The following ZNF469 variants were observed in gnomAD, a reference collection of about 807,000 sequenced individuals.
ZNF469 encodes the protein zinc finger protein 469.
ZNF469 carries 1 observed loss-of-function variant against 1.0 expected under a neutral mutation model. That is an observed-to-expected ratio of 1.00 (90% CI 0.35 to 4.73). ZNF469 has a LOEUF of 4.73. Among genes scored for constraint, ZNF469 ranks in the 30% most tolerant of loss-of-function variants. The probability of loss-of-function intolerance (pLI) is 0.16; values close to 1 mark genes in which losing one functional copy is unlikely to be tolerated. For missense variants in ZNF469, 6,100 were observed against 5,356.3 expected (o/e 1.14, Z -4.33); for synonymous variants, 2,703 against 2,363.4 (o/e 1.14, Z -4.17).
the ZNF469 span, among the ~76,000 whole-genome samples, chr16:88,123,359 G>C: frequency 6.6e-6 from 1 of 152,206 alleles, no homozygotes; most frequent in African/African-American, 2.4e-5. Context: ...TTGTTGAGCA[G>C]TGCTTCATTT....
the ZNF469 span, among the ~76,000 whole-genome samples, chr16:88,140,227 T>C: frequency 1.3e-5 from 2 of 152,092 alleles, no homozygotes; most frequent in Non-Finnish European, 2.9e-5. Flanking sequence ...TTTGGCTATA[T>C]TAAATGGAAG....
the ZNF469 span, among the ~76,000 whole-genome samples, chr16:88,222,576 G>A: frequency 6.6e-6 from 1 of 152,156 alleles, no homozygotes; most frequent in East Asian, 1.9e-4. Context: ...TGACCAACAT[G>A]GAGAAACCCC....
At chr16:88,238,289 A>C in the ZNF469 span, among the ~76,000 whole-genome samples, 1 of 152,324 alleles carries the variant, frequency 6.6e-6, no homozygotes, top group East Asian at 1.9e-4. Flanking sequence ...GGAGAGAGGA[A>C]TGAGCCCTTC....
At chr16:88,142,652 A>G in the ZNF469 span, among the ~76,000 whole-genome samples, 1,201 of 152,256 alleles carry the variant, frequency 7.9e-3, 10 homozygotes, top group African/African-American at 0.026. Flanking sequence ...CTCGAACTCT[A>G]TTGCCTGGTC....
At chr16:88,302,694 G>A in the ZNF469 span, among the ~76,000 whole-genome samples, 10 of 152,172 alleles carry the variant, frequency 6.6e-5, no homozygotes, top group South Asian at 4.1e-4. Flanking sequence ...GCTCCCTGCC[G>A]GAGGCTCACT....
At chr16:88,422,585 GTGGA>G (rs1905509840) in intron 1 of ZNF469, among the ~76,000 whole-genome samples, 1 of 148,372 alleles carries the variant, frequency 6.7e-6, no homozygotes, top group East Asian at 2.1e-4. Context: ...GTGTGAGTGG[GTGGA>G]TGATTGGGTG....
chr16:88,281,246 C>A, the ZNF469 span, among the ~76,000 whole-genome samples: 9 of 131,002 alleles, frequency 6.9e-5, no homozygotes, highest in Non-Finnish European at 5.1e-5. Context: ...TGTGCCACAC[C>A]GATTCTTGGT....
At chr16:88,205,968 A>G in the ZNF469 span, among the ~76,000 whole-genome samples, 1 of 152,082 alleles carries the variant, frequency 6.6e-6, no homozygotes, top group Admixed American at 6.5e-5. This position sits in a 1 kb window ranked among gnomAD's most constrained non-coding sequence, Gnocchi z 4.2. Flanking sequence ...GGGGGGGCCC[A>G]GCCCATGACA....
chr16:88,378,518 G>T (rs968134748), upstream of ZNF469, among the ~76,000 whole-genome samples: 1 of 152,180 alleles, frequency 6.6e-6, no homozygotes, highest in Non-Finnish European at 1.5e-5. Context: ...CAGGGAGGTG[G>T]GAGCTCATCA....
the ZNF469 span, among the ~76,000 whole-genome samples, chr16:88,160,467 A>C: frequency 6.6e-6 from 1 of 152,136 alleles, no homozygotes; most frequent in South Asian, 2.1e-4. Context: ...CTGCCTGCGC[A>C]CTTTGCACTC....
chr16:88,110,147 C>T, the ZNF469 span, among the ~76,000 whole-genome samples: 4 of 152,214 alleles, frequency 2.6e-5, no homozygotes, highest in Non-Finnish European at 4.4e-5. Context: ...TCTTCAGAGT[C>T]ACACACACGT....
At position 88,432,048 on chromosome 16, in the gene ZNF469, G is replaced by C. The variant is rs1567512803; in HGVS notation, c.4578G>C (p.Lys1526Asn). The C allele has an allele frequency of 1.3e-6, 2 of 1,550,536 alleles. No individual in the cohort carries two copies. The highest frequency in any genetic ancestry group is 1.7e-6 in the Non-Finnish European group (2 of 1,146,984). ...TCTCGGGGGGAAAGGTGCTCAGTAA[G>C]ACGTGTCCCCCTGAACGGACAGTGG... ...PDLSGGKVLS[K>N]TCPPERTVVP... The change falls in exon 3 of 3, where the codon AAG (lysine) becomes AAC (asparagine). Residue 1526 changes from lysine (K) to asparagine (N), a missense_variant. Coordinates refer to ENST00000565624, the MANE Select transcript of ZNF469 (RefSeq NM_001367624.2).
Position 88,383,222 on chromosome 16 carries a change from G to A in ZNF469, c.-224G>A, listed in dbSNP as rs1004273546. 2.7e-5 allele frequency among the ~76,000 whole-genome samples: 4 copies of A among 147,302 alleles called. No homozygotes were observed. The highest frequency in any genetic ancestry group is 4.9e-5 in the African/African-American group (2 of 40,988). ...GGCCGGGAGCTCGTTGGCGGCGGCCGGCGTGGCGGGCGGAGCGGGCCTCGG... is the reference window on the plus strand; with the variant it reads ...GGCCGGGAGCTCGTTGGCGGCGGCCAGCGTGGCGGGCGGAGCGGGCCTCGG... On this transcript the variant is annotated 5_prime_UTR_variant, in exon 1 of 3. Transcript: ENST00000565624.
upstream of ZNF469, among the ~76,000 whole-genome samples, chr16:88,381,385 CAT>C (rs753377913): frequency 9.4e-4 from 136 of 144,136 alleles, no homozygotes; most frequent in Non-Finnish European, 1.8e-3. Flanking sequence ...CAGAGACATG[CAT>C]TCACACACAC....
chr16:88,168,346 G>T, the ZNF469 span, among the ~76,000 whole-genome samples: 3 of 152,210 alleles, frequency 2.0e-5, no homozygotes, highest in East Asian at 3.9e-4. This position sits in a 1 kb window ranked among gnomAD's most constrained non-coding sequence, Gnocchi z 4.3. Context: ...AAGTGAACTG[G>T]TTTTTTTCCC....
At chr16:88,244,951 A>G in the ZNF469 span, among the ~76,000 whole-genome samples, 2 of 151,904 alleles carry the variant, frequency 1.3e-5, no homozygotes, top group Non-Finnish European at 2.9e-5. Flanking sequence ...ACACCAATAT[A>G]TCACTGCTAA....
intron 1 of ZNF469, among the ~76,000 whole-genome samples, chr16:88,412,953 C>T (rs1414845288): frequency 2.0e-5 from 3 of 152,110 alleles, no homozygotes; most frequent in Non-Finnish European, 2.9e-5. Flanking sequence ...GCAGCAGTGG[C>T]CGCTTATCCA....
chr16:88,210,882 A>G, the ZNF469 span, among the ~76,000 whole-genome samples: 1 of 152,230 alleles, frequency 6.6e-6, no homozygotes, highest in East Asian at 1.9e-4. Context: ...ACCAGCCCCC[A>G]CTGTGCTAAC....
At chr16:88,320,942 G>C in the ZNF469 span, among the ~76,000 whole-genome samples, 2 of 152,236 alleles carry the variant, frequency 1.3e-5, no homozygotes, top group African/African-American at 4.8e-5. Flanking sequence ...GCAGTGTCCA[G>C]TGCTCGGGAA....
Sources: gnomAD v4.1 joint callset for allele counts (sites outside exome capture counted in the v4.1 genomes callset) on GRCh38, gnomAD v4.1.1 for gene constraint, Gnocchi (gnomAD v3.1) non-coding constraint, MANE v1.5 for transcripts, NCBI Gene and HGNC (gene_info 2026-07-23, HGNC 2026-07-21) for gene names.